The following CTDP1 variants were observed in gnomAD, a reference collection of about 807,000 sequenced individuals.
CTDP1 encodes the protein CTD phosphatase 1.
A neutral mutation model predicts 91.8 loss-of-function variants in CTDP1; 47 were observed. The ratio of observed to expected loss-of-function variants is 0.51; its 90% CI spans 0.41 to 0.65. CTDP1 has a LOEUF of 0.65. Among genes scored for constraint, CTDP1 ranks in the 30% least tolerant of loss-of-function variants. CTDP1 has a pLI of 0.00. For synonymous variants in CTDP1, 656 were observed against 598.5 expected (o/e 1.10, Z -1.40); for missense variants, 1,272 against 1,373.7 (o/e 0.93, Z 1.17).
Position 79,715,489 on chromosome 18 carries a change from G to T in CTDP1, c.2029G>T (p.Ala677Ser). The change falls in exon 8 of 13, where the codon GCC becomes TCC. Residue 677 changes from alanine to serine, a missense_variant. Physicochemically the swap from Ala to Ser is moderately conservative, Grantham distance 99. This residue lies in a region of CTDP1 where 881 missense variants were observed against 911.6 expected (regional missense o/e 0.97). Transcript: ENST00000613122. ...CACTCGGCTGGTGCTGAGCCCCGAC[G>T]CCCCTGACAGGGCCACGCACCTGAT... ...ILTRLVLSPDAPDRATHLIAA... is the reference protein window; with the variant it reads ...ILTRLVLSPDSPDRATHLIAA... 1 of 1,575,068 alleles carries T rather than the reference G, an allele frequency of 6.3e-7. No homozygotes were observed. The highest frequency in any genetic ancestry group is 8.6e-7 in the Non-Finnish European group (1 of 1,162,430).
chr18:79,748,331 C>T (rs1350391880), intron 12 of CTDP1, among the ~76,000 whole-genome samples: 6 of 152,152 alleles, frequency 3.9e-5, no homozygotes, highest in African/African-American at 1.4e-4. Flanking sequence ...CATCACGGAG[C>T]GAGACCGAGG....
At position 79,700,190 on chromosome 18, in the gene CTDP1, C is replaced by T. The variant is rs74999672; in HGVS notation, c.621+2202C>T. On this transcript the variant is annotated intron_variant, in intron 4 of 12. Transcript: ENST00000613122. ...GCCAGCGTAGTAACCCTACAGTGAC[C>T]TCTGAGTGTTCAAGTGGGAGGAAGG... Among the ~76,000 whole-genome samples, 1,269 of 152,270 alleles carry T rather than the reference C, an allele frequency of 8.3e-3. 28 individuals carry two copies. Among genetic ancestry groups the T allele is most frequent in the East Asian group, 0.072 (373 of 5,178 alleles).
chr18:79,733,875 A>G (rs1458401041), intron 11 of CTDP1, among the ~76,000 whole-genome samples: 1 of 152,050 alleles, frequency 6.6e-6, no homozygotes, highest in Non-Finnish European at 1.5e-5. Flanking sequence ...TGTTATCTGT[A>G]TTTGCTCTTT....
intron 10 of CTDP1, 57 bp from the exon 11 acceptor site, chr18:79,728,850 G>A (rs548861614): frequency 7.6e-6 from 12 of 1,573,538 alleles, no homozygotes; most frequent in South Asian, 4.4e-5. Flanking sequence ...GATTCGGTGC[G>A]GAAAAGTGCC....
At chr18:79,725,338 C>T (rs1599276715) in intron 10 of CTDP1, among the ~76,000 whole-genome samples, 1 of 152,124 alleles carries the variant, frequency 6.6e-6, no homozygotes, top group Non-Finnish European at 1.5e-5. Context: ...GCGGACTTGC[C>T]CCTTCCTTTC....
At chr18:79,711,198 C>T (rs1027408825) in intron 6 of CTDP1, among the ~76,000 whole-genome samples, 14 of 152,194 alleles carry the variant, frequency 9.2e-5, no homozygotes, top group Admixed American at 5.9e-4. Context: ...GGCACTGATT[C>T]GATGTCAGCC....
rs1340820868 is a variant in CTDP1, at chr18:79,714,511, G to A, written c.1051G>A (p.Glu351Lys). 6.2e-7 allele frequency: 1 copy of A among 1,613,052 alleles called. No individual in the cohort carries two copies. The change falls in exon 8 of 13, where the codon GAG (glutamate) becomes AAG (lysine). Residue 351 changes from glutamate to lysine, a missense_variant. Physicochemically the swap from Glu to Lys is moderately conservative, Grantham distance 56. This residue lies in a region of CTDP1 where 881 missense variants were observed against 911.6 expected (regional missense o/e 0.97). Coordinates refer to ENST00000613122, the MANE Select transcript of CTDP1 (RefSeq NM_004715.5). ...RKKVNHSRGT[E>K]VSEPSPPVRD... ...TTTAGTAAATCATTCTCGAGGCACT[G>A]AGGTCTCAGAGCCATCTCCGCCCGT...
intron 4 of CTDP1, among the ~76,000 whole-genome samples, 178 bp downstream of exon 4, chr18:79,698,166 C>G (rs1433590061): frequency 6.6e-6 from 1 of 152,232 alleles, no homozygotes; most frequent in Non-Finnish European, 1.5e-5. Flanking sequence ...GGGGAGCATC[C>G]GCGGCTCCCG....
rs775068154 is a variant in CTDP1 at position 79,697,956 on chromosome 18, A to G, written c.589A>G (p.Thr197Ala). 11 of 1,614,084 alleles carry G rather than the reference A, an allele frequency of 6.8e-6. No homozygotes were observed. Among genetic ancestry groups the G allele is most frequent in the Admixed American group, 1.7e-5 (1 of 60,012 alleles). Residue 197 changes from threonine (T) to alanine (A), a missense_variant, in exon 4 of 13, where the codon ACC becomes GCC. This residue lies in a region of CTDP1 where 177 missense variants were observed against 283.0 expected (regional missense o/e 0.63). Transcript: ENST00000613122. ...CTTGGACCAGACGTTGATTCACACAACCGAGCAGCACTGTCAGCAGATGTC... is the reference window on the plus strand; with the variant it reads ...CTTGGACCAGACGTTGATTCACACAGCCGAGCAGCACTGTCAGCAGATGTC... Reference protein sequence around the residue: ...VDLDQTLIHTTEQHCQQMSNK... With the variant: ...VDLDQTLIHTAEQHCQQMSNK...
intron 9 of CTDP1, 37 bp from the exon 10 acceptor site, chr18:79,717,773 C>A (rs374735790): frequency 6.2e-7 from 1 of 1,613,688 alleles, no homozygotes. Context: ...ATCACCCGGA[C>A]GCCCCGCTCA....
At chr18:79,725,832 C>G (rs1163179823) in intron 10 of CTDP1, among the ~76,000 whole-genome samples, 2 of 152,116 alleles carry the variant, frequency 1.3e-5, no homozygotes, top group Non-Finnish European at 2.9e-5. Context: ...TTCTCGGGGC[C>G]TGAAAAACAT....
At position 79,717,694 on chromosome 18, in the gene CTDP1, C is replaced by A; in HGVS notation, c.2210+18C>A. 6.2e-7 allele frequency: 1 copy of A among 1,613,970 alleles called. No homozygotes were observed. The highest frequency in any genetic ancestry group is 1.1e-5 in the South Asian group (1 of 91,086). On this transcript the variant is annotated intron_variant, in intron 9 of 12. Coordinates refer to ENST00000613122, the MANE Select transcript of CTDP1 (RefSeq NM_004715.5). ...GCACAGAGGTGGGTCCTCGCTGCAC[C>A]CAGCAGGTCCGTGCCAGGCGTTCCC... is the stretch of plus-strand genomic sequence containing the variant.
intron 4 of CTDP1, chr18:79,703,754 CAG>C (rs1374930020): frequency 7.2e-5 from 11 of 152,168 alleles, no homozygotes; most frequent in African/African-American, 2.7e-4. Context: ...GCGTGGTTAT[CAG>C]GGGTGGTTAT....
intron 10 of CTDP1, among the ~76,000 whole-genome samples, chr18:79,719,788 G>C (rs1364251117): frequency 4.8e-5 from 7 of 146,686 alleles, no homozygotes; most frequent in Admixed American, 4.0e-4. Context: ...AGGCATCCTG[G>C]TGATGATGTC....
At chr18:79,709,451 G>A (rs1215530046) in intron 5 of CTDP1, among the ~76,000 whole-genome samples, 1 of 152,214 alleles carries the variant, frequency 6.6e-6, no homozygotes, top group East Asian at 1.9e-4. Context: ...TTTCACAGTG[G>A]TGCTTCCTGA....
At chr18:79,751,723 C>T (rs1354087611) in intron 12 of CTDP1, among the ~76,000 whole-genome samples, 6 of 151,998 alleles carry the variant, frequency 3.9e-5, no homozygotes, top group African/African-American at 9.7e-5. Flanking sequence ...ATCACATTAC[C>T]GTGCTATAGT....
intron 12 of CTDP1, among the ~76,000 whole-genome samples, chr18:79,742,731 G>T (rs558630489): frequency 6.6e-6 from 1 of 152,368 alleles, no homozygotes; most frequent in East Asian, 1.9e-4. Context: ...GCCGAGGTGG[G>T]CAGATGACTT....
intron 6 of CTDP1, among the ~76,000 whole-genome samples, chr18:79,712,102 T>G (rs1158179852): frequency 7.0e-6 from 1 of 142,840 alleles, no homozygotes; most frequent in Non-Finnish European, 1.5e-5. Context: ...AGTGAGTAGA[T>G]TAATCAGGGC....
chr18:79,746,901 C>T (rs935376938), intron 12 of CTDP1, among the ~76,000 whole-genome samples: 1 of 152,172 alleles, frequency 6.6e-6, no homozygotes, highest in Non-Finnish European at 1.5e-5. Context: ...AAGTGCTGGA[C>T]CTACAGGTGT....
Sources: allele counts gnomAD v4.1 joint callset (sites outside exome capture counted in the v4.1 genomes callset), GRCh38; gene constraint gnomAD v4.1.1; regional missense constraint gnomAD v4.1.1; transcripts MANE v1.5; gene names NCBI Gene and HGNC (gene_info 2026-07-23, HGNC 2026-07-21).